Variants in FAM168B observed in about 807,000 individuals in gnomAD.
The protein encoded by FAM168B is myelin-associated neurite-outgrowth inhibitor.
FAM168B carries 19 observed loss-of-function variants against 21.8 expected under a neutral mutation model. That is an observed-to-expected ratio of 0.87 (90% confidence interval 0.61 to 1.28). The LOEUF is 1.28. Ranked by LOEUF, FAM168B falls within the 50% of genes most tolerant of loss-of-function variation. The probability of loss-of-function intolerance (pLI) is 0.00; values close to 1 mark genes in which losing one functional copy is unlikely to be tolerated. For synonymous variants in FAM168B, 126 were observed against 104.8 expected (o/e 1.20, Z -1.24); for missense variants, 233 against 263.1 (o/e 0.89, Z 0.79).
At chr2:131,068,200 A>C (rs1476602125) in intron 3 of FAM168B, among the ~76,000 whole-genome samples, 1 of 152,096 alleles carries the variant, frequency 6.6e-6, no homozygotes, top group Non-Finnish European at 1.5e-5. Context: ...GCTCTGTCAC[A>C]CAGGCTGCAG....
rs1198519527 is a variant in FAM168B at position 131,051,376 on chromosome 2, T to G, written c.*1089A>C. On this transcript the variant is annotated 3_prime_UTR_variant, in exon 7 of 7. Coordinates refer to ENST00000389915, the MANE Select transcript of FAM168B (RefSeq NM_001009993.4). ...GTTTTGTTCCCTTTTAACTCATTCT[T>G]AAATATACCACTTTCTTCATAACAT... The G allele has an allele frequency of 4.1e-6, 4 of 985,394 alleles. No homozygotes were observed. Among genetic ancestry groups the G allele is most frequent in the Non-Finnish European group, 2.4e-6 (2 of 829,924 alleles). 61.0% of individuals were successfully genotyped at this position (985,394 alleles called of 1,614,324 possible).
At chr2:131,090,760 G>A (rs979873061) in intron 1 of FAM168B, among the ~76,000 whole-genome samples, 7 of 152,044 alleles carry the variant, frequency 4.6e-5, no homozygotes, top group African/African-American at 1.7e-4. Flanking sequence ...ATGGAGTCTC[G>A]CTTTGTTGCC....
chr2:131,082,485 G>A, intron 2 of FAM168B, 92 bp downstream of exon 2: 1 of 830,792 alleles, frequency 1.2e-6, no homozygotes, highest in South Asian at 1.7e-5. Flanking sequence ...GCCACTTTGA[G>A]CTGCGTTTGT....
At chr2:131,064,485 A>G (rs1692457751) in intron 3 of FAM168B, among the ~76,000 whole-genome samples, 1 of 152,180 alleles carries the variant, frequency 6.6e-6, no homozygotes, top group Non-Finnish European at 1.5e-5. Flanking sequence ...TCTCAGCAAC[A>G]GTGGTGGAAG....
chr2:131,055,485 C>T (rs1691965554), intron 4 of FAM168B, 36 bp from the exon 5 acceptor site: 2 of 1,603,076 alleles, frequency 1.2e-6, no homozygotes, highest in African/African-American at 2.7e-5. Flanking sequence ...CACAGGGTCC[C>T]AGGGCCAAAG....
In FAM168B at chr2:131,048,813, C is replaced by G. The variant is rs1189092113; in HGVS notation, c.*3652G>C. On this transcript the variant is annotated 3_prime_UTR_variant, in exon 7 of 7. Coordinates refer to ENST00000389915, the MANE Select transcript of FAM168B (RefSeq NM_001009993.4). ...CTCAGAAAGCACCAGAGAGGAGGAC[C>G]AGACGCTGCCACCCACCTCAAGCCA... 2 of 986,060 alleles carry G rather than the reference C, an allele frequency of 2.0e-6. No individual in the cohort carries two copies. The highest frequency in any genetic ancestry group is 2.3e-4 in the East Asian group (2 of 8,834). 61.1% of individuals were successfully genotyped at this position (986,060 alleles called of 1,614,324 possible).
At position 131,074,005 on chromosome 2, in the gene FAM168B, G is replaced by A. The variant is rs72982405; in HGVS notation, c.71-2067C>T. On this transcript the variant is annotated intron_variant, in intron 2 of 6. Transcript: ENST00000389915. ...GCTACAGTCAGAATCCTGGCCCCAA[G>A]GTGCAACCAACAGAGGGGGCCTCAG... Among the ~76,000 whole-genome samples the A allele has an allele frequency of 6.7e-4, 102 of 152,328 alleles. 1 individual carries two copies. Among genetic ancestry groups the A allele is most frequent in the African/African-American group, 1.9e-3 (81 of 41,564 alleles).
chr2:131,090,080 G>A (rs1359783503), intron 1 of FAM168B, among the ~76,000 whole-genome samples: 4 of 148,644 alleles, frequency 2.7e-5, no homozygotes, highest in Admixed American at 6.8e-5. Context: ...AGCACTTCGG[G>A]AGGCCGACGA....
chr2:131,055,607 C>A lies in FAM168B; in HGVS notation c.243G>T (p.Gln81His). Reference sequence around the variant, plus strand: ...CACTTCGCACAGGGTACACGGCAGTCTGGTAGGGGTTCGGGGAGGAGGAGT... The same window carrying A: ...CACTTCGCACAGGGTACACGGCAGTATGGTAGGGGTTCGGGGAGGAGGAGT... ...PPYSSSPNPY[Q>H]TAVYPVRSAY... Residue 81 changes from glutamine to histidine, a missense_variant, in exon 4 of 7, where the codon CAG (glutamine) becomes CAT (histidine). Coordinates refer to ENST00000389915, the MANE Select transcript of FAM168B (RefSeq NM_001009993.4). 1.2e-6 allele frequency: 2 copies of A among 1,610,904 alleles called. No homozygotes were observed. The highest frequency in any genetic ancestry group is 1.7e-6 in the Non-Finnish European group (2 of 1,178,488).
At chr2:131,079,697 G>GTTTGTTTTT (rs1693336858) in intron 2 of FAM168B, among the ~76,000 whole-genome samples, 2 of 152,070 alleles carry the variant, frequency 1.3e-5, no homozygotes, top group African/African-American at 4.8e-5. Flanking sequence ...AACCCACCAA[G>GTTTGTTTTT]TTTGTGGTTA....
intron 3 of FAM168B, among the ~76,000 whole-genome samples, chr2:131,061,503 A>G (rs1438377145): frequency 6.6e-6 from 1 of 150,946 alleles, no homozygotes; most frequent in Non-Finnish European, 1.5e-5. Context: ...AATTATAGTC[A>G]GGCGCAGTGG....
Position 131,051,704 on chromosome 2 carries a change from A to T in FAM168B, c.*761T>A. On this transcript the variant is annotated 3_prime_UTR_variant, in exon 7 of 7. Coordinates refer to ENST00000389915, the MANE Select transcript of FAM168B (RefSeq NM_001009993.4). ...AAACTGCTTTGCTGACACATAAACCACCCCCCTCGCCCCAAATTTCACTGG... is the reference window on the plus strand; with the variant it reads ...AAACTGCTTTGCTGACACATAAACCTCCCCCCTCGCCCCAAATTTCACTGG... 2 of 983,896 alleles carry T rather than the reference A, an allele frequency of 2.0e-6. No homozygotes were observed. Among genetic ancestry groups the T allele is most frequent in the Non-Finnish European group, 2.4e-6 (2 of 829,550 alleles). The allele number at this position is 983,896 out of a possible 1,614,324, so 60.9% of individuals were successfully genotyped here.
Position 131,050,019 on chromosome 2 carries a change from G to C in FAM168B, c.*2446C>G. On this transcript the variant is annotated 3_prime_UTR_variant, in exon 7 of 7. Coordinates refer to ENST00000389915, the MANE Select transcript of FAM168B (RefSeq NM_001009993.4). The stretch of plus-strand genomic sequence containing the variant: ...TTCAAAGTCAGAAAGATTTCTGCAC[G>C]GATGTGCAATGCAAACTTATTTCAT... 1 of 985,330 alleles carries C rather than the reference G, an allele frequency of 1.0e-6. No homozygotes were observed. Among genetic ancestry groups the C allele is most frequent in the Non-Finnish European group, 1.2e-6 (1 of 829,944 alleles). 61.0% of individuals were successfully genotyped at this position (985,330 alleles called of 1,614,324 possible).
At chr2:131,054,061 T>C (rs949873518) in intron 5 of FAM168B, among the ~76,000 whole-genome samples, 1 of 151,486 alleles carries the variant, frequency 6.6e-6, no homozygotes, top group East Asian at 1.9e-4. Context: ...AAAAAAATAT[T>C]AGGCAGGCAT....
intron 3 of FAM168B, among the ~76,000 whole-genome samples, chr2:131,059,192 T>A (rs572682365): frequency 1.3e-5 from 2 of 152,236 alleles, no homozygotes; most frequent in Admixed American, 6.5e-5. Flanking sequence ...GCCCTCTCCA[T>A]AAGGTGCTTG....
intron 2 of FAM168B, among the ~76,000 whole-genome samples, chr2:131,078,356 G>T (rs910917344): frequency 3.3e-5 from 5 of 152,258 alleles, no homozygotes; most frequent in Middle Eastern, 6.8e-3. Flanking sequence ...ACAAATGGAA[G>T]CAGATCAGTA....
intron 2 of FAM168B, among the ~76,000 whole-genome samples, chr2:131,074,589 CTG>C (rs1693040326): frequency 1.3e-5 from 2 of 152,306 alleles, no homozygotes; most frequent in South Asian, 4.1e-4. Context: ...TCAAAAGAAA[CTG>C]TGTTGAGGAG....
chr2:131,092,813 AT>A (rs111331835), intron 1 of FAM168B, among the ~76,000 whole-genome samples: 36 of 151,712 alleles, frequency 2.4e-4, no homozygotes, highest in African/African-American at 5.6e-4. Flanking sequence ...AAGCAAAAAA[AT>A]AAAAATAAAA....
intron 1 of FAM168B, among the ~76,000 whole-genome samples, chr2:131,090,151 C>CAAA (rs59428455): frequency 1.9e-4 from 23 of 119,118 alleles, no homozygotes; most frequent in East Asian, 4.8e-4. Context: ...ACCAAAAATA[C>CAAA]AAAAAAAAAA....
Sources: allele counts gnomAD v4.1 joint callset (sites outside exome capture counted in the v4.1 genomes callset), GRCh38; gene constraint gnomAD v4.1.1; transcripts MANE v1.5; gene names NCBI Gene and HGNC (gene_info 2026-07-23, HGNC 2026-07-21).